DCUN1D2: variants seen among roughly 807,000 people sequenced by gnomAD.
The protein encoded by DCUN1D2 is DCN1-like protein 2.
In DCUN1D2, 29 loss-of-function variants were observed where a neutral mutation model predicts 30.9. The observed-to-expected ratio is 0.94, with a 90% CI of 0.70 to 1.28. The LOEUF is 1.28. Ranked by LOEUF, DCUN1D2 falls within the 50% of genes most tolerant of loss-of-function variation. The pLI is 0.00. For missense variants in DCUN1D2, 325 were observed against 316.9 expected (o/e 1.03, Z -0.19); for synonymous variants, 121 against 115.3 (o/e 1.05, Z -0.32).
At chr13:113,479,846 G>A (rs141876874) in intron 3 of DCUN1D2, among the ~76,000 whole-genome samples, 63 of 152,278 alleles carry the variant, frequency 4.1e-4, no homozygotes, top group Non-Finnish European at 7.8e-4. Flanking sequence ...AACTGGATGC[G>A]CTATGCTTTT....
At position 113,458,045 on chromosome 13, in the gene DCUN1D2, T is replaced by C; in HGVS notation, c.764A>G (p.Lys255Arg). The C allele has an allele frequency of 6.2e-7, 1 of 1,614,174 alleles. No homozygotes were observed. The highest frequency in any genetic ancestry group is 8.5e-7 in the Non-Finnish European group (1 of 1,180,000). ...ACTTGCTGCCTAGAAAAGGCTGCGT[T>C]TTCCACCTGTGACTACTGGCCGTGC... ...EYARPVVTGG[K>R]RSLF is the part of the protein sequence containing the mutation. The change falls in exon 7 of 7, where the codon AAA becomes AGA. Residue 255 changes from lysine to arginine, a missense_variant. Lys to Arg is a conservative substitution (Grantham distance 26). Coordinates refer to ENST00000478244, the MANE Select transcript of DCUN1D2 (RefSeq NM_001014283.2).
intron 1 of DCUN1D2, 23 bp from the exon 2 acceptor site, chr13:113,484,079 G>T: frequency 6.2e-7 from 1 of 1,611,282 alleles, no homozygotes; most frequent in Non-Finnish European, 8.5e-7. Context: ...AAAGAAGTAG[G>T]AAAGCCAATG....
intron 4 of DCUN1D2, among the ~76,000 whole-genome samples, chr13:113,468,038 C>T (rs1221972523): frequency 2.4e-5 from 3 of 123,154 alleles, no homozygotes; most frequent in African/African-American, 1.1e-4. Context: ...AGCGAGGATC[C>T]ATCTTAAAAA....
At chr13:113,465,878 T>TATATATAG (rs1555330045) in intron 4 of DCUN1D2, among the ~76,000 whole-genome samples, 10 of 151,626 alleles carry the variant, frequency 6.6e-5, no homozygotes, top group African/African-American at 9.7e-5. Flanking sequence ...GACAGATATA[T>TATATATAG]ATAGATAGAT....
chr13:113,483,748 G>C (rs778977320), intron 2 of DCUN1D2, 92 bp downstream of exon 2: 1 of 1,302,500 alleles, frequency 7.7e-7, no homozygotes, highest in Non-Finnish European at 1.1e-6. Flanking sequence ...GCAGCCCGGA[G>C]ACCTGCCCCG....
At chr13:113,469,633 C>T (rs1177475020) in intron 4 of DCUN1D2, among the ~76,000 whole-genome samples, 1 of 151,984 alleles carries the variant, frequency 6.6e-6, no homozygotes, top group Non-Finnish European at 1.5e-5. Context: ...GTCATGGCCA[C>T]ACCTCTGCAC....
At chr13:113,474,380 T>C (rs2044576317) in intron 3 of DCUN1D2, 126 bp from the exon 4 acceptor site, 2 of 1,331,664 alleles carry the variant, frequency 1.5e-6, no homozygotes, top group Non-Finnish European at 1.0e-6. Context: ...CCCAACTTCC[T>C]TTCCCAGGCG....
At chr13:113,463,441 T>C (rs1005823511) in intron 4 of DCUN1D2, among the ~76,000 whole-genome samples, 3 of 151,720 alleles carry the variant, frequency 2.0e-5, no homozygotes, top group African/African-American at 4.8e-5. Context: ...CCTGTAATCA[T>C]AGCACTTTAG....
intron 5 of DCUN1D2, among the ~76,000 whole-genome samples, chr13:113,460,695 C>T (rs1595566015): frequency 6.6e-6 from 1 of 152,196 alleles, no homozygotes; most frequent in East Asian, 1.9e-4. Flanking sequence ...GGCACCATGT[C>T]GAGGATTCGG....
chr13:113,467,554 A>G (rs1039876054), intron 4 of DCUN1D2, among the ~76,000 whole-genome samples: 1 of 151,918 alleles, frequency 6.6e-6, no homozygotes, highest in Admixed American at 6.6e-5. Flanking sequence ...GCTTATAAAG[A>G]GCAGTCTTGG....
At chr13:113,479,360 T>C (rs1301987760) in intron 3 of DCUN1D2, among the ~76,000 whole-genome samples, 1 of 152,216 alleles carries the variant, frequency 6.6e-6, no homozygotes, top group Non-Finnish European at 1.5e-5. Flanking sequence ...GATAAGCCCT[T>C]TATCATTATG....
At chr13:113,460,652 G>A (rs372679556) in intron 5 of DCUN1D2, among the ~76,000 whole-genome samples, 12 of 152,222 alleles carry the variant, frequency 7.9e-5, no homozygotes, top group East Asian at 3.8e-4. Flanking sequence ...CCGCAGTTCC[G>A]GAGCCCAAAC....
intron 5 of DCUN1D2, among the ~76,000 whole-genome samples, chr13:113,460,128 A>G (rs920742069): frequency 1.3e-5 from 2 of 152,238 alleles, no homozygotes; most frequent in Non-Finnish European, 2.9e-5. Context: ...ACAGCACATG[A>G]TGTAATGAAA....
chr13:113,475,666 C>T (rs986637846), intron 3 of DCUN1D2, among the ~76,000 whole-genome samples: 3 of 152,010 alleles, frequency 2.0e-5, no homozygotes, highest in East Asian at 1.9e-4. Context: ...GAGGGAGGAT[C>T]GCTTGAGGCC....
chr13:113,487,488 C>T (rs866059251), intron 1 of DCUN1D2, among the ~76,000 whole-genome samples: 4 of 152,210 alleles, frequency 2.6e-5, no homozygotes, highest in Admixed American at 6.5e-5. Flanking sequence ...TCCATCCACA[C>T]AGCGCACGAC....
intron 4 of DCUN1D2, among the ~76,000 whole-genome samples, chr13:113,461,680 G>C (rs918590870): frequency 4.0e-5 from 6 of 151,700 alleles, no homozygotes; most frequent in African/African-American, 1.2e-4. Context: ...AGCTAGCAGG[G>C]AAAGCGTTCT....
chr13:113,462,539 C>T (rs1473620565), intron 4 of DCUN1D2, among the ~76,000 whole-genome samples: 10 of 152,028 alleles, frequency 6.6e-5, no homozygotes, highest in Admixed American at 1.3e-4. Context: ...TTTCCAGGGT[C>T]GATCATTATT....
At chr13:113,469,485 G>A (rs184969057) in intron 4 of DCUN1D2, among the ~76,000 whole-genome samples, 2 of 152,040 alleles carry the variant, frequency 1.3e-5, no homozygotes, top group Admixed American at 6.5e-5. Context: ...TTTGAGACCA[G>A]CCCGGGCAAC....
intron 4 of DCUN1D2, among the ~76,000 whole-genome samples, chr13:113,467,765 C>T (rs147418643): frequency 2.4e-3 from 360 of 152,164 alleles, no homozygotes; most frequent in African/African-American, 8.3e-3. Flanking sequence ...AAAAGCGGGC[C>T]GGGCGCGGTG....
Sources: gnomAD v4.1 joint callset for allele counts (sites outside exome capture counted in the v4.1 genomes callset) on GRCh38, gnomAD v4.1.1 for gene constraint, MANE v1.5 for transcripts, NCBI Gene and HGNC (gene_info 2026-07-23, HGNC 2026-07-21) for gene names.